CDH18: variants seen among roughly 807,000 people sequenced by gnomAD.
The protein encoded by CDH18 is cadherin 18.
Under a neutral mutation model 67.9 loss-of-function variants are expected in CDH18, and 31 were observed. That is an observed-to-expected ratio of 0.46 (90% CI 0.34 to 0.62). The LOEUF (loss-of-function observed/expected upper bound fraction) is 0.62. CDH18 is among the 20% of genes least tolerant of loss of function. CDH18 has a pLI of 0.01. For synonymous variants in CDH18, 362 were observed against 347.2 expected (o/e 1.04, Z -0.48); for missense variants, 890 against 975.5 (o/e 0.91, Z 1.17).
At chr5:19,500,615 A>G (rs1743075330) in intron 11 of CDH18, among the ~76,000 whole-genome samples, 2 of 152,202 alleles carry the variant, frequency 1.3e-5, no homozygotes, top group Non-Finnish European at 2.9e-5. Context: ...AAAATATTCT[A>G]ACAAAAATTT....
In CDH18 at chr5:20,195,759, A is replaced by G. The variant is rs373221097; in HGVS notation, c.-518+59685T>C. Among the ~76,000 whole-genome samples the G allele has an allele frequency of 2.0e-5, 3 of 152,226 alleles. No individual in the cohort carries two copies. In the East Asian group the frequency reaches 5.8e-4, roughly 29 times the overall value. ...CAATTCAAATAATTTGACAAGTTAAATAGAATATATTCTCAAGGGATTTGT... is the reference window on the plus strand; with the variant it reads ...CAATTCAAATAATTTGACAAGTTAAGTAGAATATATTCTCAAGGGATTTGT... On this transcript the variant is annotated intron_variant, in intron 2 of 14. Coordinates refer to the CDH18 transcript ENST00000507958.
At chr5:19,772,432 T>G (rs1484416304) in intron 3 of CDH18, among the ~76,000 whole-genome samples, 2 of 151,650 alleles carry the variant, frequency 1.3e-5, no homozygotes, top group Admixed American at 6.6e-5. Flanking sequence ...AGAGAAAGAG[T>G]TGAAGATGTT....
intron 1 of CDH18, among the ~76,000 whole-genome samples, chr5:20,332,127 T>TA (rs201647007): frequency 0.014 from 2,136 of 152,168 alleles, 54 homozygotes; most frequent in African/African-American, 0.048. Flanking sequence ...TTGATGTCTA[T>TA]AAAAAAAATT....
chr5:19,743,327 T>A (rs1375165831), intron 4 of CDH18, among the ~76,000 whole-genome samples: 1 of 152,182 alleles, frequency 6.6e-6, no homozygotes. Context: ...TATGACACCA[T>A]CCTCTAATTG....
At chr5:19,625,863 G>A (rs536698946) in intron 5 of CDH18, among the ~76,000 whole-genome samples, 2 of 152,166 alleles carry the variant, frequency 1.3e-5, no homozygotes, top group South Asian at 2.1e-4. Context: ...TTCAAACAAC[G>A]AGGCAGAAAG....
intron 1 of CDH18, among the ~76,000 whole-genome samples, chr5:20,323,884 C>T (rs954895650): frequency 1.3e-5 from 2 of 152,130 alleles, no homozygotes; most frequent in Non-Finnish European, 1.5e-5. Context: ...TGCTCGATGT[C>T]TTAATTCACC....
At chr5:20,242,621 T>TATAC (rs1743045216) in intron 2 of CDH18, among the ~76,000 whole-genome samples, 1 of 118,930 alleles carries the variant, frequency 8.4e-6, no homozygotes, top group African/African-American at 3.8e-5. Flanking sequence ...AATATATATA[T>TATAC]ATATATATAT....
At chr5:19,647,288 C>T (rs879846937) in intron 5 of CDH18, among the ~76,000 whole-genome samples, 6 of 151,436 alleles carry the variant, frequency 4.0e-5, no homozygotes, top group African/African-American at 1.2e-4. Flanking sequence ...TTTGGTAGGC[C>T]GAAGCAGGCG....
intron 1 of CDH18, among the ~76,000 whole-genome samples, chr5:20,359,626 A>G (rs974165030): frequency 2.6e-5 from 4 of 152,218 alleles, no homozygotes; most frequent in Admixed American, 2.6e-4. Flanking sequence ...TTAGTGAACT[A>G]AGCTCAGCCT....
At chr5:20,384,365 T>C (rs1744145487) in intron 1 of CDH18, among the ~76,000 whole-genome samples, 1 of 152,202 alleles carries the variant, frequency 6.6e-6, no homozygotes, top group South Asian at 2.1e-4. Context: ...GACTGACTTA[T>C]TTCATCTAGT....
intron 4 of CDH18, among the ~76,000 whole-genome samples, chr5:19,725,606 C>G (rs544491003): frequency 8.5e-5 from 13 of 152,182 alleles, no homozygotes; most frequent in South Asian, 8.3e-4. Flanking sequence ...CTCATCTCTA[C>G]TAAAAATACA....
intron 1 of CDH18, among the ~76,000 whole-genome samples, chr5:20,494,249 T>C (rs1166968626): frequency 6.6e-6 from 1 of 151,952 alleles, no homozygotes; most frequent in East Asian, 1.9e-4. Context: ...AATAAAAAAA[T>C]CATAATATAA....
intron 1 of CDH18, among the ~76,000 whole-genome samples, chr5:20,444,126 G>T (rs1749828511): frequency 6.7e-6 from 1 of 150,184 alleles, no homozygotes; most frequent in African/African-American, 2.5e-5. Flanking sequence ...AAGGGAAAAA[G>T]AATTTCTAGT....
chr5:20,181,626 C>T (rs540030609), intron 2 of CDH18, among the ~76,000 whole-genome samples: 2 of 152,210 alleles, frequency 1.3e-5, no homozygotes, highest in African/African-American at 2.4e-5. Flanking sequence ...AACATAGATA[C>T]AGTTTTTGAC....
Position 19,543,930 on chromosome 5 carries a change from T to C in CDH18, c.1329A>G (p.Thr443=), listed in dbSNP as rs1735856091. The C allele has an allele frequency of 1.9e-6, 3 of 1,597,812 alleles. No homozygotes were observed. Among genetic ancestry groups the C allele is most frequent in the Non-Finnish European group, 2.6e-6 (3 of 1,168,466 alleles). The change falls in exon 9 of 13, where the codon ACA becomes ACG. Residue 443 remains threonine (T), a synonymous_variant. Transcript: ENST00000382275. ...GAGTTTCTTCTCTGTCGAGAACCTTTGTAGTCCTAATGGTCCCAGTATTGG... is the reference window on the plus strand; with the variant it reads ...GAGTTTCTTCTCTGTCGAGAACCTTCGTAGTCCTAATGGTCCCAGTATTGG... ...IDANTGTIRT[T]KVLDREETPW...
At chr5:20,345,109 A>G (rs1407427335) in intron 1 of CDH18, among the ~76,000 whole-genome samples, 1 of 152,140 alleles carries the variant, frequency 6.6e-6, no homozygotes, top group Non-Finnish European at 1.5e-5. Flanking sequence ...GTGAATATTG[A>G]AACACTTTTT....
chr5:19,600,553 T>C (rs1459032650), intron 6 of CDH18, among the ~76,000 whole-genome samples: 1 of 32,434 alleles, frequency 3.1e-5, no homozygotes, highest in African/African-American at 4.7e-5. Context: ...ATTTTAACAG[T>C]AAAATATCAA....
At chr5:20,230,957 AC>A (rs1742022052) in intron 2 of CDH18, among the ~76,000 whole-genome samples, 1 of 152,158 alleles carries the variant, frequency 6.6e-6, no homozygotes, top group African/African-American at 2.4e-5. Context: ...AAACATCATC[AC>A]CCATGGGAAG....
intron 2 of CDH18, among the ~76,000 whole-genome samples, chr5:19,937,461 T>G (rs1794397120): frequency 6.6e-6 from 1 of 151,450 alleles, no homozygotes. Flanking sequence ...ACAGAAACTC[T>G]AAGTAATATC....
Sources: gnomAD v4.1 joint callset for allele counts (sites outside exome capture counted in the v4.1 genomes callset) on GRCh38, gnomAD v4.1.1 for gene constraint, MANE v1.5 for transcripts, NCBI Gene and HGNC (gene_info 2026-07-23, HGNC 2026-07-21) for gene names.